Variants in KCND2 observed in about 807,000 individuals in gnomAD.
KCND2 encodes potassium voltage-gated channel subfamily D member 2, also known as A-type voltage-gated potassium channel KCND2.
In KCND2, 16 loss-of-function variants were observed where a neutral mutation model predicts 54.4. That is an observed-to-expected ratio of 0.29 (90% confidence interval 0.20 to 0.45). The LOEUF is 0.45. Among genes scored for constraint, KCND2 ranks in the 20% least tolerant of loss-of-function variants. The pLI, the probability that KCND2 is intolerant of heterozygous loss-of-function variation, is 1.00. For synonymous variants in KCND2, 317 were observed against 310.7 expected (o/e 1.02, Z -0.21); for missense variants, 486 against 824.2 (o/e 0.59, Z 5.02).
intron 1 of KCND2, among the ~76,000 whole-genome samples, chr7:120,390,624 T>C (rs950436035): frequency 6.6e-6 from 1 of 152,018 alleles, no homozygotes; most frequent in African/African-American, 2.4e-5. Flanking sequence ...AGCATTTCAA[T>C]GTTTAAGATT....
At chr7:120,720,431 G>A (rs1357104988) in intron 1 of KCND2, among the ~76,000 whole-genome samples, 1 of 152,126 alleles carries the variant, frequency 6.6e-6, no homozygotes, top group Non-Finnish European at 1.5e-5. Flanking sequence ...GGCTTTGGGT[G>A]AAAAAGCCCT....
chr7:120,692,671 C>T (rs1386089201), intron 1 of KCND2, among the ~76,000 whole-genome samples: 1 of 152,160 alleles, frequency 6.6e-6, no homozygotes, highest in East Asian at 1.9e-4. Context: ...AAGTGTCCTA[C>T]TGTTTGGGAC....
intron 1 of KCND2, among the ~76,000 whole-genome samples, chr7:120,563,520 C>T (rs531349675): frequency 4.1e-4 from 62 of 152,296 alleles, no homozygotes; most frequent in Non-Finnish European, 7.5e-4. Flanking sequence ...GTCTCAATCT[C>T]AATCCATTCC....
At chr7:120,642,495 G>T (rs2116532566) in intron 1 of KCND2, among the ~76,000 whole-genome samples, 1 of 151,528 alleles carries the variant, frequency 6.6e-6, no homozygotes, top group East Asian at 1.9e-4. Flanking sequence ...CCGGGAGGTG[G>T]GGGTTGCAGT....
At chr7:120,433,534 T>G (rs1405030062) in intron 1 of KCND2, among the ~76,000 whole-genome samples, 6 of 152,220 alleles carry the variant, frequency 3.9e-5, no homozygotes. Context: ...ATTTTAATCC[T>G]TTGTTTATAA....
intron 2 of KCND2, among the ~76,000 whole-genome samples, chr7:120,735,681 A>AT (rs1792861301): frequency 6.6e-6 from 1 of 152,060 alleles, no homozygotes; most frequent in African/African-American, 2.4e-5. Flanking sequence ...TGAAAAGTAT[A>AT]TTTTGTGAAT....
At chr7:120,538,427 A>G (rs775614150) in intron 1 of KCND2, among the ~76,000 whole-genome samples, 4 of 152,240 alleles carry the variant, frequency 2.6e-5, no homozygotes, top group Non-Finnish European at 5.9e-5. Context: ...GCTGTTGGAC[A>G]GGTGGTGCTA....
rs145723634 is a variant in KCND2, at chr7:120,389,118, T to G, written c.1115+113371T>G. 3.6e-3 allele frequency among the ~76,000 whole-genome samples: 540 copies of G among 151,910 alleles called. 2 individuals are homozygous for G. The highest frequency in any genetic ancestry group is 0.012 in the African/African-American group (491 of 41,500). ...TTTAATCCACAAAGAAGATAGTACATTGCCAAATAGGGGAAAAAAAAGATG... is the reference window on the plus strand; with the variant it reads ...TTTAATCCACAAAGAAGATAGTACAGTGCCAAATAGGGGAAAAAAAAGATG... On this transcript the variant is annotated intron_variant, in intron 1 of 5. Transcript: ENST00000331113.
In KCND2 at chr7:120,649,590, G is replaced by A. The variant is rs143365844; in HGVS notation, c.1116-83313G>A. Among the ~76,000 whole-genome samples the A allele has an allele frequency of 1.8e-3, 268 of 152,152 alleles. 1 individual carries two copies. The highest frequency in any genetic ancestry group is 4.4e-3 in the African/African-American group (182 of 41,518). ...TGAGAAGTGTCTGTACATATCCTTC[G>A]TCCACTTTTTGATGGGGTTGTTTGT... On this transcript the variant is annotated intron_variant, in intron 1 of 5. Coordinates refer to ENST00000331113, the MANE Select transcript of KCND2 (RefSeq NM_012281.3).
intron 1 of KCND2, among the ~76,000 whole-genome samples, chr7:120,340,345 G>C: frequency 6.6e-6 from 1 of 152,218 alleles, no homozygotes; most frequent in East Asian, 1.9e-4. Context: ...TATGAGAGAA[G>C]GGAAAGATCT....
chr7:120,318,522 T>G (rs60029532), intron 1 of KCND2, among the ~76,000 whole-genome samples: 3,250 of 152,202 alleles, frequency 0.021, 133 homozygotes, highest in African/African-American at 0.074. Context: ...ACAACACTTA[T>G]GTGTTTGGCA....
intron 1 of KCND2, among the ~76,000 whole-genome samples, chr7:120,698,215 A>C (rs1477122211): frequency 1.3e-5 from 2 of 152,126 alleles, no homozygotes; most frequent in East Asian, 3.9e-4. Flanking sequence ...GGGTTTTGCC[A>C]TGTTGGCCAG....
chr7:120,663,593 C>G (rs529311842), intron 1 of KCND2, among the ~76,000 whole-genome samples: 15 of 152,278 alleles, frequency 9.9e-5, no homozygotes, highest in African/African-American at 3.6e-4. Flanking sequence ...TCTACTCTGG[C>G]TTCATCTCCC....
chr7:120,351,244 G>GTGTATATATATATATATATA (rs376321316), intron 1 of KCND2, among the ~76,000 whole-genome samples: 14 of 137,350 alleles, frequency 1.0e-4, no homozygotes, highest in African/African-American at 3.5e-4. Flanking sequence ...TTATATGTGT[G>GTGTATATATATATATATATA]TATATATATA....
intron 1 of KCND2, among the ~76,000 whole-genome samples, chr7:120,721,551 A>T (rs577310603): frequency 3.3e-5 from 5 of 152,322 alleles, no homozygotes; most frequent in African/African-American, 1.2e-4. Context: ...GAAACTTTCT[A>T]GGTTAAATTG....
In KCND2 at chr7:120,445,787, C is replaced by T. The variant is rs1044103649; in HGVS notation, c.1115+170040C>T. On this transcript the variant is annotated intron_variant, in intron 1 of 5. Transcript: ENST00000331113. ...TATTATATATGAAGGAAAAGGAAATCAACATAACATGTATGTTATATAATT... is the reference window on the plus strand; with the variant it reads ...TATTATATATGAAGGAAAAGGAAATTAACATAACATGTATGTTATATAATT... Among the ~76,000 whole-genome samples, 3 of 152,064 alleles carry T rather than the reference C, an allele frequency of 2.0e-5. No homozygotes were observed. The East Asian group carries it at 5.8e-4, about 29-fold the overall frequency.
intron 1 of KCND2, among the ~76,000 whole-genome samples, chr7:120,624,282 C>G (rs1293485939): frequency 6.6e-6 from 1 of 152,058 alleles, no homozygotes; most frequent in Non-Finnish European, 1.5e-5. Flanking sequence ...ATTTCCCTCT[C>G]GAGATAAATT....
rs140594934 is a variant in KCND2, at chr7:120,730,958, G to A, written c.1116-1945G>A. Reference sequence around the variant, plus strand: ...TAGTATGTGAGTTCCTTTGATCCCTGTCTCTCAGGACTACACTCTCTGAGC... The same window carrying A: ...TAGTATGTGAGTTCCTTTGATCCCTATCTCTCAGGACTACACTCTCTGAGC... On this transcript the variant is annotated intron_variant, in intron 1 of 5. Transcript: ENST00000331113. Among the ~76,000 whole-genome samples the A allele has an allele frequency of 1.6e-4, 24 of 152,270 alleles. No individual in the cohort carries two copies. In the East Asian group the frequency reaches 4.6e-3, roughly 29 times the overall value.
At chr7:120,663,904 G>A (rs535521450) in intron 1 of KCND2, among the ~76,000 whole-genome samples, 2 of 152,242 alleles carry the variant, frequency 1.3e-5, no homozygotes, top group South Asian at 4.1e-4. Context: ...AGGCACATTA[G>A]AGTACTTGTG....
Sources: gnomAD v4.1 joint callset for allele counts (sites outside exome capture counted in the v4.1 genomes callset) on GRCh38, gnomAD v4.1.1 for gene constraint, MANE v1.5 for transcripts, NCBI Gene and HGNC (gene_info 2026-07-23, HGNC 2026-07-21) for gene names.